The following VOPP1 variants were observed in gnomAD, a reference collection of about 807,000 sequenced individuals.
VOPP1 encodes the protein WW domain binding protein VOPP1.
Under a neutral mutation model 23.5 loss-of-function variants are expected in VOPP1, and 8 were observed. That is an observed-to-expected ratio of 0.34 (90% CI 0.20 to 0.61). VOPP1 has a LOEUF of 0.61. VOPP1 is among the 20% of genes least tolerant of loss of function. The probability of loss-of-function intolerance (pLI) is 0.78; values close to 1 mark genes in which losing one functional copy is unlikely to be tolerated. For synonymous variants in VOPP1, 83 were observed against 97.3 expected, an observed-to-expected ratio of 0.85 and a Z score of 0.86; for missense variants, 174 against 238.1, an observed-to-expected ratio of 0.73 and a Z score of 1.77.
At chr7:55,466,438 A>C (rs1035194346), downstream of VOPP1, among the ~76,000 whole-genome samples, 2 of 152,196 alleles carry the variant, frequency 1.3e-5, no homozygotes, top group Non-Finnish European at 2.9e-5. Context: ...ATGACAAAGC[A>C]TTTTAAATAG....
intron 3 of VOPP1, among the ~76,000 whole-genome samples, chr7:55,495,547 C>T (rs34895650): frequency 0.011 from 1,673 of 152,320 alleles, 11 homozygotes; most frequent in Middle Eastern, 0.02. Context: ...CCCTCTCTGA[C>T]GACCCAGTCA....
intron 1 of VOPP1, among the ~76,000 whole-genome samples, chr7:55,571,073 G>C (rs1016967492): frequency 7.2e-5 from 11 of 152,216 alleles, no homozygotes; most frequent in Non-Finnish European, 1.6e-4. Flanking sequence ...TCTATGGTGA[G>C]TCACTCAGAG....
chr7:55,556,322 T>A (rs574518623), intron 1 of VOPP1, among the ~76,000 whole-genome samples: 12 of 152,300 alleles, frequency 7.9e-5, no homozygotes, highest in Non-Finnish European at 1.6e-4. Flanking sequence ...GCCTTGCCAG[T>A]TCCTTTCTAA....
intron 4 of VOPP1, among the ~76,000 whole-genome samples, chr7:55,439,948 C>T (rs1790923891): frequency 6.6e-6 from 1 of 152,178 alleles, no homozygotes; most frequent in Non-Finnish European, 1.5e-5. Context: ...CTGGGTGGGG[C>T]TCGAGAATGT....
chr7:55,457,044 A>C (rs1301315522), intron 4 of VOPP1, among the ~76,000 whole-genome samples: 1 of 152,100 alleles, frequency 6.6e-6, no homozygotes, highest in African/African-American at 2.4e-5. Context: ...TCGAGCTGTA[A>C]CTTTGTACCC....
At chr7:55,533,579 G>A (rs571492151) in intron 1 of VOPP1, among the ~76,000 whole-genome samples, 3 of 152,264 alleles carry the variant, frequency 2.0e-5, no homozygotes, top group Non-Finnish European at 2.9e-5. Context: ...GGAACCTTCC[G>A]GACCTAGGGT....
chr7:55,446,268 C>T (rs113805812), intron 4 of VOPP1, among the ~76,000 whole-genome samples: 21 of 152,196 alleles, frequency 1.4e-4, no homozygotes, highest in Non-Finnish European at 2.8e-4. Context: ...GCTGGGATTA[C>T]AGGCGTGAGC....
chr7:55,484,060 C>CT (rs1230641177), intron 4 of VOPP1, among the ~76,000 whole-genome samples: 1 of 152,216 alleles, frequency 6.6e-6, no homozygotes, highest in African/African-American at 2.4e-5. Context: ...ACCCAGCCAT[C>CT]TTTTTCTTCT....
intron 2 of VOPP1, among the ~76,000 whole-genome samples, chr7:55,517,574 G>T (rs144380623): frequency 6.6e-6 from 1 of 152,276 alleles, no homozygotes; most frequent in East Asian, 1.9e-4. Flanking sequence ...AGCTGGGCTG[G>T]ATGTGAGTCT....
At chr7:55,556,702 A>G (rs776708795) in intron 1 of VOPP1, among the ~76,000 whole-genome samples, 96 of 150,486 alleles carry the variant, frequency 6.4e-4, no homozygotes, top group Admixed American at 9.9e-4. Context: ...ATATGGTTAC[A>G]ATTTATGTTT....
chr7:55,468,948 G>A (rs1251340566), downstream of VOPP1, among the ~76,000 whole-genome samples: 2 of 152,178 alleles, frequency 1.3e-5, no homozygotes, highest in African/African-American at 4.8e-5. Flanking sequence ...TGGGATCAAA[G>A]TGACTATCAA....
intron 1 of VOPP1, among the ~76,000 whole-genome samples, chr7:55,524,836 G>A (rs1796074777): frequency 6.6e-6 from 1 of 152,164 alleles, no homozygotes; most frequent in South Asian, 2.1e-4. Flanking sequence ...GAAGTCTGAT[G>A]AGAAAGGCAG....
downstream of VOPP1, among the ~76,000 whole-genome samples, chr7:55,469,286 C>T (rs1031281372): frequency 6.6e-6 from 1 of 152,098 alleles, no homozygotes; most frequent in African/African-American, 2.4e-5. Flanking sequence ...CTAGGAGGCT[C>T]CTCAGGCTCA....
At chr7:55,492,229 T>C (rs1793622531) in intron 4 of VOPP1, 53 bp downstream of exon 4, 2 of 1,558,256 alleles carry the variant, frequency 1.3e-6, no homozygotes, top group Non-Finnish European at 1.7e-6. Flanking sequence ...TTTATAAATG[T>C]TGGCAGACGA....
chr7:55,479,255 T>G (rs1019834750), intron 4 of VOPP1, among the ~76,000 whole-genome samples: 1 of 152,002 alleles, frequency 6.6e-6, no homozygotes, highest in African/African-American at 2.4e-5. Context: ...GCTGCACCCA[T>G]TAACTCGTCA....
intron 4 of VOPP1, among the ~76,000 whole-genome samples, chr7:55,473,370 C>G (rs912847444): frequency 1.3e-5 from 2 of 152,192 alleles, no homozygotes; most frequent in African/African-American, 4.8e-5. Context: ...ACCCAGGCTT[C>G]GCGACTCAGC....
At chr7:55,535,986 A>C (rs564742139) in intron 1 of VOPP1, among the ~76,000 whole-genome samples, 28 of 152,324 alleles carry the variant, frequency 1.8e-4, no homozygotes, top group African/African-American at 6.7e-4. Flanking sequence ...CCAAGCAAGG[A>C]TCATGCACTC....
chr7:55,502,529 G>A (rs1794440235), intron 2 of VOPP1, among the ~76,000 whole-genome samples: 1 of 152,204 alleles, frequency 6.6e-6, no homozygotes, highest in African/African-American at 2.4e-5. Context: ...ACTCGAAGGA[G>A]CACACAATTA....
rs560503239 is a variant in VOPP1, at chr7:55,452,716, A to G, written n.418-16542T>C. On this transcript the variant is annotated intron_variant and non_coding_transcript_variant, in intron 4 of 4. Transcript: ENST00000462326. ...TGATTAGGTCTTTTGTCAATAAGCA[A>G]TAATATTTTAAAAGGAATCGTTTTT... Among the ~76,000 whole-genome samples, 3 of 152,340 alleles carry G rather than the reference A, an allele frequency of 2.0e-5. No homozygotes were observed. In the South Asian group the frequency reaches 6.2e-4, roughly 32 times the overall value.
Sources: gnomAD v4.1 joint callset for allele counts (sites outside exome capture counted in the v4.1 genomes callset) on GRCh38, gnomAD v4.1.1 for gene constraint, MANE v1.5 for transcripts, NCBI Gene and HGNC (gene_info 2026-07-23, HGNC 2026-07-21) for gene names.